The following IRX6 variants were observed in gnomAD, a reference collection of about 807,000 sequenced individuals.
IRX6 encodes iroquois homeobox 6.
In IRX6, 46 loss-of-function variants were observed where a neutral mutation model predicts 47.7. The ratio of observed to expected loss-of-function variants is 0.96; its 90% CI spans 0.76 to 1.23. The LOEUF (loss-of-function observed/expected upper bound fraction) is 1.23. Ranked by LOEUF, IRX6 falls within the 50% of genes most tolerant of loss-of-function variation. The pLI is 0.00. For synonymous variants in IRX6, 265 were observed against 246.2 expected, an observed-to-expected ratio of 1.08 and a Z score of -0.72; for missense variants, 722 against 588.0, an observed-to-expected ratio of 1.23 and a Z score of -2.36.
chr16:55,330,263 AGCCTTTG>A, intron 5 of IRX6, 28 bp from the exon 6 acceptor site: 1 of 1,610,722 alleles, frequency 6.2e-7, no homozygotes, highest in Non-Finnish European at 8.5e-7. Context: ...GCCACTAAAC[AGCCTTTG>A]GGTTTTAATC....
Position 55,329,208 on chromosome 16 carries a change from T to C in IRX6, c.1230T>C (p.Phe410=). The C allele has an allele frequency of 6.2e-7, 1 of 1,614,066 alleles. No homozygotes were observed. The highest frequency in any genetic ancestry group is 8.5e-7 in the Non-Finnish European group (1 of 1,180,038). Residue 410 remains phenylalanine (F), a synonymous_variant, in exon 5 of 6, where the codon TTT becomes TTC. Transcript: ENST00000290552. The part of the protein sequence containing the change: ...CDESSCIPKA[F]GNPKFALQGL... ...AGTCTTCCTGCATACCCAAAGCCTT[T>C]GGAAACCCCAAGTTTGCCCTGCAGG...
At position 55,327,405 on chromosome 16, in the gene IRX6, G is replaced by T. The variant is rs755163241; in HGVS notation, c.413G>T (p.Arg138Leu). 1.9e-6 allele frequency: 3 copies of T among 1,609,088 alleles called. No homozygotes were observed. Among genetic ancestry groups the T allele is most frequent in the South Asian group, 2.2e-5 (2 of 90,956 alleles). The stretch of plus-strand genomic sequence containing the variant: ...ACTCTGGGGCAGTACCAATATGAAC[G>T]GTAAGGAGTGAAGGGCCTTGGTGAC... ...ERTLGQYQYE[R>L]YGAVELSGAG... The change falls in exon 3 of 6, where the codon CGG becomes CTG. Residue 138 changes from arginine to leucine, a missense_variant and splice_region_variant. Arg to Leu is a moderately radical substitution (Grantham distance 102). Transcript: ENST00000290552.
intron 2 of IRX6, 45 bp downstream of exon 2, chr16:55,326,638 G>T (rs961657970): frequency 6.2e-6 from 9 of 1,461,560 alleles, no homozygotes; most frequent in Admixed American, 2.7e-5. Context: ...AGTAGAGACA[G>T]GTGAAATCCA....
chr16:55,325,231 T>C lies in IRX6; in HGVS notation c.45+95T>C, dbSNP rs1382152026. 2.5e-6 allele frequency: 3 copies of C among 1,195,186 alleles called. No homozygotes were observed. In the African/African-American group the frequency reaches 4.5e-5, roughly 18 times the overall value. The allele number at this position is 1,195,186 out of a possible 1,614,324, so 74.0% of individuals were successfully genotyped here. On this transcript the variant is annotated intron_variant, in intron 1 of 5. Transcript: ENST00000290552. ...CTCTGATCATCCTCCTCTTGTGTTC[T>C]GGGGGAAGCCAGAAGGAGCAAGGAC...
intron 5 of IRX6, 99 bp from the exon 6 acceptor site, chr16:55,330,199 C>G: frequency 3.7e-6 from 4 of 1,076,586 alleles, no homozygotes; most frequent in Non-Finnish European, 5.8e-6. Context: ...TGCCTCTAGA[C>G]CATTTGCTTG....
chr16:55,325,083 A>T lies in IRX6; in HGVS notation c.-9A>T. The T allele has an allele frequency of 6.2e-7, 1 of 1,614,002 alleles. No individual in the cohort carries two copies. The highest frequency in any genetic ancestry group is 8.5e-7 in the Non-Finnish European group (1 of 1,179,994). ...CAGGGAAGAGAGAGACGGGCCAGGG[A>T]CAGCCACCATGTCCTTCCCACACTT... On this transcript the variant is annotated 5_prime_UTR_variant, in exon 1 of 6. Coordinates refer to ENST00000290552, the MANE Select transcript of IRX6 (RefSeq NM_024335.3).
At chr16:55,328,633 G>T in intron 4 of IRX6, 67 bp from the exon 5 acceptor site, 2 of 1,534,608 alleles carry the variant, frequency 1.3e-6, no homozygotes, top group Non-Finnish European at 1.8e-6. Flanking sequence ...AGCTTCTCGG[G>T]GATGGACATT....
Position 55,329,298 on chromosome 16 carries a change from G to A in IRX6, c.1320G>A (p.Pro440=), listed in dbSNP as rs750264638. The change falls in exon 5 of 6, where the codon CCG becomes CCA. Residue 440 remains proline, a synonymous_variant. Coordinates refer to ENST00000290552, the MANE Select transcript of IRX6 (RefSeq NM_024335.3). The part of the protein sequence containing the change: ...RSEPVVQCQY[P]SGAEAG ...AGCCTGTAGTGCAGTGCCAGTACCC[G>A]TCTGGAGCAGAAGGTAGTGGGCCCC... 1.9e-6 allele frequency: 3 copies of A among 1,600,838 alleles called. No homozygotes were observed. The highest frequency in any genetic ancestry group is 1.7e-4 in the Middle Eastern group (1 of 6,038).
chr16:55,328,631 G>T, intron 4 of IRX6, 69 bp from the exon 5 acceptor site: 1 of 1,526,094 alleles, frequency 6.6e-7, no homozygotes, highest in African/African-American at 1.4e-5. Flanking sequence ...AAAGCTTCTC[G>T]GGGATGGACA....
rs1325878932 is a variant in IRX6, at chr16:55,327,356, G to A, written c.364G>A (p.Gly122Arg). The change falls in exon 3 of 6, where the codon GGA (glycine) becomes AGA (arginine). Residue 122 changes from glycine to arginine, a missense_variant. Physicochemically the swap from Gly to Arg is moderately radical, Grantham distance 125 (BLOSUM62 -2). Transcript: ENST00000290552. ...GSFTSSLAQP[G>R]AYYPYERTLG... ...TTTTACATCCAGCCTGGCACAACCA[G>A]GAGCCTATTATCCCTATGAGCGGAC... 1.2e-6 allele frequency: 2 copies of A among 1,613,912 alleles called. No individual in the cohort carries two copies. The highest frequency in any genetic ancestry group is 1.7e-5 in the Admixed American group (1 of 59,996).
At position 55,328,783 on chromosome 16, in the gene IRX6, G is replaced by T; in HGVS notation, c.805G>T (p.Ala269Ser). The T allele has an allele frequency of 6.2e-7, 1 of 1,613,276 alleles. No individual in the cohort carries two copies. Among genetic ancestry groups the T allele is most frequent in the Non-Finnish European group, 8.5e-7 (1 of 1,180,030 alleles). The change falls in exon 5 of 6, where the codon GCT becomes TCT. Residue 269 changes from alanine (A) to serine (S), a missense_variant. Transcript: ENST00000290552. ...GGAAGAGGAGGAGGAGGAGGAGGAA[G>T]CTGAAGACGAGGAGGTAGTGGCCAC... is the stretch of plus-strand genomic sequence containing the variant. Reference protein sequence around the residue: ...LEEEEEEEEEAEDEEVVATAG... With the variant: ...LEEEEEEEEESEDEEVVATAG...
chr16:55,329,374 C>G, intron 5 of IRX6, 63 bp downstream of exon 5: 4 of 1,523,782 alleles, frequency 2.6e-6, no homozygotes, highest in Non-Finnish European at 3.5e-6. Context: ...CCGCCCCGCC[C>G]GGCAATTGCA....
intron 2 of IRX6, among the ~76,000 whole-genome samples, 155 bp from the exon 3 acceptor site, chr16:55,327,141 G>T (rs541217336): frequency 9.6e-4 from 146 of 152,148 alleles, no homozygotes; most frequent in African/African-American, 3.3e-3. Flanking sequence ...AGAAATTGAG[G>T]CACAGAGTGG....
intron 4 of IRX6, among the ~76,000 whole-genome samples, chr16:55,328,390 T>C (rs1960574939): frequency 6.6e-6 from 1 of 152,070 alleles, no homozygotes; most frequent in Non-Finnish European, 1.5e-5. Context: ...TGCCCCCTGG[T>C]TTTTCACAAT....
Position 55,325,062 on chromosome 16 carries a change from G to A in IRX6, c.-30G>A, listed in dbSNP as rs1417606570. On this transcript the variant is annotated 5_prime_UTR_variant, in exon 1 of 6. Coordinates refer to ENST00000290552, the MANE Select transcript of IRX6 (RefSeq NM_024335.3). ...TGGGCTGAGACGGGAACTCGACAGG[G>A]AAGAGAGAGACGGGCCAGGGACAGC... The A allele has an allele frequency of 5.0e-6, 8 of 1,613,330 alleles. No individual in the cohort carries two copies. The highest frequency in any genetic ancestry group is 6.8e-6 in the Non-Finnish European group (8 of 1,179,490).
intron 1 of IRX6, 60 bp downstream of exon 1, chr16:55,325,196 C>T (rs555245719): frequency 7.2e-6 from 11 of 1,524,642 alleles, no homozygotes; most frequent in East Asian, 4.5e-5. Context: ...GCCTAGTGCA[C>T]GGCGCCTGCC....
At chr16:55,330,158 C>T (rs1372715463) in intron 5 of IRX6, 140 bp from the exon 6 acceptor site, 4 of 737,354 alleles carry the variant, frequency 5.4e-6, no homozygotes, top group Non-Finnish European at 9.6e-6. Context: ...ATTTACGCAA[C>T]GGATCCAAAC....
chr16:55,328,604 C>T lies in IRX6; in HGVS notation c.722-96C>T. ...AATTACACTGAGGATGCCCTGAGTGCAGGGCGCTTCTTGCTAAAAGCTTCT... is the reference window on the plus strand; with the variant it reads ...AATTACACTGAGGATGCCCTGAGTGTAGGGCGCTTCTTGCTAAAAGCTTCT... On this transcript the variant is annotated intron_variant, in intron 4 of 5. Transcript: ENST00000290552. 3.9e-6 allele frequency: 5 copies of T among 1,271,772 alleles called. No homozygotes were observed. The South Asian group carries it at 4.0e-5, about 10-fold the overall frequency. The allele number at this position is 1,271,772 out of a possible 1,614,324, so 78.8% of individuals were successfully genotyped here. A position where few individuals can be genotyped will look rare whatever the true frequency, so the allele number is the denominator to read the frequency against.
rs780746131 is a variant in IRX6, at chr16:55,326,438, G to A, written c.148G>A (p.Ala50Thr). 3.0e-5 allele frequency: 48 copies of A among 1,613,798 alleles called. 1 individual carries two copies. The highest frequency in any genetic ancestry group is 1.6e-4 in the Middle Eastern group (1 of 6,084). Reference protein sequence around the residue: ...GSTPAPALCCAPYDSRLLGSA... With the variant: ...GSTPAPALCCTPYDSRLLGSA... ...CACCCCAGCGCCCGCTCTCTGCTGC[G>A]CACCCTACGATAGTCGACTGCTGGG... The change falls in exon 2 of 6, where the codon GCA becomes ACA. Residue 50 changes from alanine (A) to threonine (T), a missense_variant. Ala to Thr is a moderately conservative substitution (Grantham distance 58, BLOSUM62 0). Transcript: ENST00000290552.
Sources: allele counts gnomAD v4.1 joint callset (sites outside exome capture counted in the v4.1 genomes callset), GRCh38; gene constraint gnomAD v4.1.1; transcripts MANE v1.5; gene names NCBI Gene and HGNC (gene_info 2026-07-23, HGNC 2026-07-21).